The following OR9Q1 variants were observed in gnomAD, a reference collection of about 807,000 sequenced individuals.
OR9Q1 encodes olfactory receptor family 9 subfamily Q member 1.
For synonymous variants in OR9Q1, 153 were observed against 148.6 expected, an observed-to-expected ratio of 1.03 and a Z score of -0.22; for missense variants, 374 against 378.8, an observed-to-expected ratio of 0.99 and a Z score of 0.11.
At chr11:58,139,403 A>G (rs1187580150) in intron 2 of OR9Q1, among the ~76,000 whole-genome samples, 1 of 151,980 alleles carries the variant, frequency 6.6e-6, no homozygotes, top group Non-Finnish European at 1.5e-5. Context: ...ATTTAACATT[A>G]GGTATATCTC....
At chr11:58,093,075 A>T (rs1198945521) in intron 2 of OR9Q1, among the ~76,000 whole-genome samples, 1 of 152,196 alleles carries the variant, frequency 6.6e-6, no homozygotes, top group Non-Finnish European at 1.5e-5. Context: ...ATGTTTGTAA[A>T]TTTGAGCAAT....
At chr11:58,179,000 G>GAA (rs1251603197) in intron 2 of OR9Q1, among the ~76,000 whole-genome samples, 6,407 of 119,282 alleles carry the variant, frequency 0.054, 497 homozygotes, top group African/African-American at 0.19. Flanking sequence ...GAGAGAGAGA[G>GAA]AGAAAGAAAG....
At chr11:58,091,171 C>G (rs1010804614) in intron 2 of OR9Q1, among the ~76,000 whole-genome samples, 3 of 151,928 alleles carry the variant, frequency 2.0e-5, no homozygotes, top group Non-Finnish European at 2.9e-5. Context: ...TTAGTTATTT[C>G]TTGCCTTCTG....
At chr11:58,028,610 T>A (rs1419537830) in intron 1 of OR9Q1, among the ~76,000 whole-genome samples, 3 of 151,948 alleles carry the variant, frequency 2.0e-5, no homozygotes, top group African/African-American at 7.3e-5. Context: ...CTGGGAAGGG[T>A]GATCATTGTT....
intron 2 of OR9Q1, among the ~76,000 whole-genome samples, chr11:58,085,070 A>G (rs959766896): frequency 4.6e-5 from 7 of 151,886 alleles, no homozygotes; most frequent in Non-Finnish European, 1.0e-4. Context: ...AAATAAAACA[A>G]TGTAAGTCCA....
chr11:58,088,605 C>A (rs573374116), intron 2 of OR9Q1, among the ~76,000 whole-genome samples: 1 of 151,950 alleles, frequency 6.6e-6, no homozygotes, highest in Admixed American at 6.6e-5. Flanking sequence ...GGTTTGTTGG[C>A]CGCATAAGTG....
chr11:58,108,257 A>G (rs901334994), intron 2 of OR9Q1, among the ~76,000 whole-genome samples: 1 of 152,196 alleles, frequency 6.6e-6, no homozygotes, highest in African/African-American at 2.4e-5. Context: ...CCATACCACA[A>G]AAAACCCTTA....
intron 2 of OR9Q1, among the ~76,000 whole-genome samples, chr11:58,165,871 A>T (rs978491122): frequency 6.6e-5 from 10 of 152,236 alleles, no homozygotes; most frequent in African/African-American, 2.4e-4. Context: ...CATTTACAAA[A>T]TTATGTACCT....
At chr11:58,079,951 T>A (rs1853573474) in intron 2 of OR9Q1, among the ~76,000 whole-genome samples, 1 of 152,214 alleles carries the variant, frequency 6.6e-6, no homozygotes, top group African/African-American at 2.4e-5. Context: ...TTAAACCCAC[T>A]GTTTTTTAAG....
intron 1 of OR9Q1, among the ~76,000 whole-genome samples, chr11:58,030,732 C>A (rs968874839): frequency 6.6e-6 from 1 of 152,200 alleles, no homozygotes; most frequent in African/African-American, 2.4e-5. Context: ...TAGTATCCTG[C>A]CTTATTCTTA....
intron 2 of OR9Q1, among the ~76,000 whole-genome samples, chr11:58,103,052 C>T (rs1350118794): frequency 6.6e-6 from 1 of 151,934 alleles, no homozygotes; most frequent in Non-Finnish European, 1.5e-5. Context: ...TATATTAGTC[C>T]ATTCTCACGT....
intron 2 of OR9Q1, among the ~76,000 whole-genome samples, chr11:58,167,571 C>T (rs772288689): frequency 1.6e-4 from 24 of 152,024 alleles, no homozygotes; most frequent in African/African-American, 2.2e-4. Flanking sequence ...TTTTTAGTTG[C>T]GTCTATGGGT....
chr11:58,112,292 C>CAAAAAAAAAAAAAAAAAAAAAAAA (rs761960271), intron 2 of OR9Q1, among the ~76,000 whole-genome samples: 4 of 111,714 alleles, frequency 3.6e-5, no homozygotes, highest in African/African-American at 1.2e-4. Flanking sequence ...GACTTCGTCT[C>CAAAAAAAAAAAAAAAAAAAAAAAA]AAAGAAAAAA....
intron 2 of OR9Q1, among the ~76,000 whole-genome samples, chr11:58,151,160 T>C (rs1016699302): frequency 6.6e-6 from 1 of 152,210 alleles, no homozygotes; most frequent in Non-Finnish European, 1.5e-5. Context: ...TAGCATCGTT[T>C]GTTGAAAAGG....
At chr11:58,164,751 C>T (rs754731006) in intron 2 of OR9Q1, among the ~76,000 whole-genome samples, 2 of 152,148 alleles carry the variant, frequency 1.3e-5, no homozygotes, top group Non-Finnish European at 2.9e-5. Flanking sequence ...ATTCTTGCAT[C>T]GTCACTTGTC....
At chr11:58,063,751 G>A (rs571726017) in intron 2 of OR9Q1, among the ~76,000 whole-genome samples, 30 of 152,266 alleles carry the variant, frequency 2.0e-4, no homozygotes, top group Admixed American at 1.5e-3. Flanking sequence ...GTCAGGTACC[G>A]TTCAGGCATG....
At chr11:58,031,987 C>A in intron 1 of OR9Q1, 4 of 757,546 alleles carry the variant, frequency 5.3e-6, no homozygotes, top group Non-Finnish European at 6.5e-6. Flanking sequence ...GAGACCAAAT[C>A]AAGAATGCAG....
intron 1 of OR9Q1, chr11:58,031,030 C>A (rs751382490): frequency 3.1e-6 from 5 of 1,613,746 alleles, no homozygotes; most frequent in Non-Finnish European, 4.2e-6. Flanking sequence ...ATGAAGCACA[C>A]CTCCTCTTCT....
At chr11:58,121,540 G>A (rs1197430910) in intron 2 of OR9Q1, among the ~76,000 whole-genome samples, 4 of 152,212 alleles carry the variant, frequency 2.6e-5, no homozygotes, top group Non-Finnish European at 5.9e-5. Context: ...GAGGAGCCAG[G>A]ATCCACAACC....
Sources: allele counts gnomAD v4.1 joint callset (sites outside exome capture counted in the v4.1 genomes callset), GRCh38; gene constraint gnomAD v4.1.1; transcripts MANE v1.5; gene names NCBI Gene and HGNC (gene_info 2026-07-23, HGNC 2026-07-21).